Variants in TAF11L13 observed in about 807,000 individuals in gnomAD.
TAF11L13 encodes TATA-box binding protein associated factor 11 like 13.
chr5:17,632,237 T>A, exon 1 of TAF11L13: 1 of 397,944 alleles, frequency 2.5e-6, no homozygotes, highest in Non-Finnish European at 4.4e-6. Context: ...GGAGTGAGGA[T>A]GTCATGGACC....
chr5:17,632,112 G>A (rs1221042486), exon 1 of TAF11L13: 3 of 397,110 alleles, frequency 7.6e-6, no homozygotes, highest in Non-Finnish European at 1.3e-5. Context: ...GCAAACAGGC[G>A]TGTCTGCTGA....
exon 1 of TAF11L13, chr5:17,632,627 C>T (rs1739716709): frequency 7.5e-6 from 3 of 398,498 alleles, no homozygotes; most frequent in East Asian, 7.1e-5. Flanking sequence ...AGGCTGTTCA[C>T]AGGTTAAAGC....
At chr5:17,632,198 A>G in exon 1 of TAF11L13, 1 of 398,122 alleles carries the variant, frequency 2.5e-6, no homozygotes, top group Non-Finnish European at 4.4e-6. Context: ...GGAACTTGGA[A>G]GAACCCAGGG....
chr5:17,632,484 T>G (rs1399615065), exon 1 of TAF11L13: 1 of 398,474 alleles, frequency 2.5e-6, no homozygotes, highest in Non-Finnish European at 4.4e-6. Flanking sequence ...CACTGGCAGT[T>G]CGGTGTCTGA....
chr5:17,632,127 C>G (rs1007696282), exon 1 of TAF11L13: 1 of 397,356 alleles, frequency 2.5e-6, no homozygotes, highest in Non-Finnish European at 4.4e-6. Flanking sequence ...TGCTGAGATG[C>G]TCGCCATGCC....
chr5:17,632,452 T>C (rs1486741884), exon 1 of TAF11L13: 6 of 398,400 alleles, frequency 1.5e-5, no homozygotes, highest in African/African-American at 1.0e-4. Flanking sequence ...AGAGCACGCA[T>C]TGCGGGTCTG....
Position 17,632,351 on chromosome 5 carries a change from A to G in TAF11L13, c.264A>G (p.Ala88=), listed in dbSNP as rs377426751. ...AGGAGAGGAAGCCCACCGTGGATGC[A>G]GAGGAGGCTCAGAGGATGACAACCC... The change falls in exon 1 of 1, where the codon GCA becomes GCG. Residue 88 remains alanine (A), a synonymous_variant. Coordinates refer to ENST00000639073, the Ensembl canonical transcript of TAF11L13. 4.6e-4 allele frequency: 183 copies of G among 398,290 alleles called. 2 individuals are homozygous for G. The highest frequency in any genetic ancestry group is 3.2e-3 in the Middle Eastern group (5 of 1,586). The allele number at this position is 398,290 out of a possible 1,614,324, so 24.7% of individuals were successfully genotyped here.
chr5:17,632,612 A>C (rs1371007834), exon 1 of TAF11L13: 2 of 398,356 alleles, frequency 5.0e-6, no homozygotes, highest in Non-Finnish European at 8.9e-6. Flanking sequence ...CCAAGCATTT[A>C]AGGGAGGCTG....
At chr5:17,632,206 G>A in exon 1 of TAF11L13, 1 of 398,124 alleles carries the variant, frequency 2.5e-6, no homozygotes. Context: ...GAAGAACCCA[G>A]GGATCAGGAA....
exon 1 of TAF11L13, chr5:17,632,602 C>G (rs1361636691): frequency 2.5e-6 from 1 of 398,278 alleles, no homozygotes. Flanking sequence ...CCGCTGCAGC[C>G]CAAGCATTTA....
At chr5:17,632,535 G>T in exon 1 of TAF11L13, 1 of 398,674 alleles carries the variant, frequency 2.5e-6, no homozygotes, top group Non-Finnish European at 4.4e-6. Context: ...CAAGGTCTTT[G>T]TTGGAGAGGT....
rs1359430709 is a variant in TAF11L13 at position 17,632,297 on chromosome 5, A to T, written c.210A>T (p.Lys70Asn). 36 of 397,722 alleles carry T rather than the reference A, an allele frequency of 9.1e-5. No homozygotes were observed. In the Admixed American group the frequency reaches 1.1e-3, roughly 13 times the overall value. 24.6% of individuals were successfully genotyped at this position (397,722 alleles called of 1,614,324 possible). Reference sequence around the variant, plus strand: ...CAGCCTCAGCTCCTCCTGCAGCCAAAAGACGGAAAACACATACGAAACGCA... The same window carrying T: ...CAGCCTCAGCTCCTCCTGCAGCCAATAGACGGAAAACACATACGAAACGCA... Residue 70 changes from lysine to asparagine, a missense_variant, in exon 1 of 1, where the codon AAA becomes AAT. Lys to Asn is a moderately conservative substitution (Grantham distance 94). Transcript: ENST00000639073.
exon 1 of TAF11L13, chr5:17,632,677 T>A (rs1428822386): frequency 5.0e-6 from 2 of 398,520 alleles, no homozygotes; most frequent in Non-Finnish European, 8.9e-6. Flanking sequence ...AAAAGAGTCA[T>A]GTTCTAGGCC....
rs113819477 is a variant in TAF11L13 at position 17,632,673 on chromosome 5, G to A, written c.586G>A (p.Val196Ile). 5.5e-3 allele frequency: 2,176 copies of A among 398,492 alleles called. 78 individuals carry two copies. The highest frequency in any genetic ancestry group is 0.04 in the African/African-American group (1,923 of 48,608). The allele number at this position is 398,492 out of a possible 1,614,324, so 24.7% of individuals were successfully genotyped here. ...CTTCCCCAACAGCAACTACAAAAGA[G>A]TCATGTTCTAGGCCCAAGGCCAGAG... is the stretch of plus-strand genomic sequence containing the variant. Residue 196 changes from valine to isoleucine, a missense_variant, in exon 1 of 1, where the codon GTC becomes ATC. By Grantham distance (29) the Val-to-Ile change is conservative. Transcript: ENST00000639073.
chr5:17,632,136 C>A (rs1021375731), exon 1 of TAF11L13: 3 of 397,312 alleles, frequency 7.6e-6, no homozygotes, highest in Non-Finnish European at 1.3e-5. Context: ...GCTCGCCATG[C>A]CCCGAGGTCT....
exon 1 of TAF11L13, chr5:17,632,449 G>A (rs1215028407): frequency 2.0e-5 from 8 of 398,468 alleles, no homozygotes; most frequent in Middle Eastern, 6.2e-4. Flanking sequence ...CCAAGAGCAC[G>A]CATTGCGGGT....
exon 1 of TAF11L13, chr5:17,632,258 T>G: frequency 2.5e-6 from 1 of 397,646 alleles, no homozygotes; most frequent in Non-Finnish European, 4.4e-6. Context: ...TCACAGAAGG[T>G]GACAGTGAGG....
chr5:17,632,664 TACA>T, the TAF11L13 span: 1 of 398,424 alleles, frequency 2.5e-6, no homozygotes, highest in African/African-American at 2.1e-5. Context: ...CAACAGCAAC[TACA>T]AAAGAGTCAT....
chr5:17,632,600 G>A lies in TAF11L13; in HGVS notation c.513G>A (p.Gln171=), dbSNP rs536568268. The A allele has an allele frequency of 2.5e-5, 10 of 398,470 alleles. 2 individuals carry two copies. Among genetic ancestry groups the A allele is most frequent in the African/African-American group, 1.2e-4 (6 of 48,560 alleles). The allele number at this position is 398,470 out of a possible 1,614,324, so 24.7% of individuals were successfully genotyped here. A position where few individuals can be genotyped will look rare whatever the true frequency, so the allele number is the denominator to read the frequency against. The stretch of plus-strand genomic sequence containing the variant: ...TGTGGGGAGAGACGCCCCCGCTGCA[G>A]CCCAAGCATTTAAGGGAGGCTGTTC... The change falls in exon 1 of 1, where the codon CAG becomes CAA. Residue 171 remains glutamine, a synonymous_variant. Coordinates refer to ENST00000639073, the Ensembl canonical transcript of TAF11L13.
Sources: allele counts gnomAD v4.1 joint callset, GRCh38; gene constraint gnomAD v4.1.1; transcripts MANE v1.5; gene names NCBI Gene and HGNC (gene_info 2026-07-23, HGNC 2026-07-21).